Variants in EME2 observed in about 807,000 individuals in gnomAD.
EME2 encodes the protein essential meiotic structure-specific endonuclease subunit 2.
EME2 carries 58 observed loss-of-function variants against 41.9 expected under a neutral mutation model. That is an observed-to-expected ratio of 1.38 (90% CI 1.12 to 1.72). The LOEUF (loss-of-function observed/expected upper bound fraction) is 1.72, where lower values mean the gene tolerates loss of function less well. EME2 is among the 40% of genes most tolerant of loss of function. The pLI is 0.00. For missense variants in EME2, 695 were observed against 541.9 expected, an observed-to-expected ratio of 1.28 and a Z score of -2.81; for synonymous variants, 334 against 239.3, an observed-to-expected ratio of 1.40 and a Z score of -3.65.
chr16:1,773,502 G>T, intron 1 of EME2, 28 bp downstream of exon 1: 1 of 1,572,768 alleles, frequency 6.4e-7, no homozygotes, highest in Non-Finnish European at 8.6e-7. Context: ...GGCGATACTC[G>T]GGGTAGGAAA....
chr16:1,775,791 C>A lies in EME2; in HGVS notation c.780-6C>A, dbSNP rs770532915. On this transcript the variant is annotated splice_polypyrimidine_tract_variant and splice_region_variant and intron_variant, in intron 6 of 7. Transcript: ENST00000568449. ...GAGGTTCTAAAAGGCTTCTCTCTGT[C>A]CCCAGGCAGTACCGGGAATCCCAGG... is the stretch of plus-strand genomic sequence containing the variant. 1.2e-6 allele frequency: 2 copies of A among 1,612,316 alleles called. No homozygotes were observed. The highest frequency in any genetic ancestry group is 1.7e-5 in the Admixed American group (1 of 60,006).
chr16:1,777,666 A>G lies in EME2; in HGVS notation c.*1428A>G. On this transcript the variant is annotated 3_prime_UTR_variant, in exon 8 of 8. Coordinates refer to ENST00000568449, the MANE Select transcript of EME2 (RefSeq NM_001257370.2). Reference sequence around the variant, plus strand: ...GGGAGGAACCCTTTCAGAAAACCTCAGTGTCCCCTGGGCTGGGGCGGGGTG... The same window carrying G: ...GGGAGGAACCCTTTCAGAAAACCTCGGTGTCCCCTGGGCTGGGGCGGGGTG... 1.9e-6 allele frequency: 3 copies of G among 1,573,268 alleles called. No homozygotes were observed. The South Asian group carries it at 3.4e-5, about 18-fold the overall frequency.
Position 1,781,374 on chromosome 16 carries a change from T to C in EME2, c.*5136T>C, listed in dbSNP as rs1896703454. ...GGAACCTACCTGCCCATCAGAGTCGTAGCCCCAGTTAGTGGAGCCTGCTAG... is the reference window on the plus strand; with the variant it reads ...GGAACCTACCTGCCCATCAGAGTCGCAGCCCCAGTTAGTGGAGCCTGCTAG... On this transcript the variant is annotated 3_prime_UTR_variant, in exon 8 of 8. Transcript: ENST00000568449. 6.2e-7 allele frequency: 1 copy of C among 1,612,860 alleles called. No individual in the cohort carries two copies. Among genetic ancestry groups the C allele is most frequent in the Non-Finnish European group, 8.5e-7 (1 of 1,179,996 alleles).
chr16:1,775,021 C>G lies in EME2; in HGVS notation c.478-20C>G. On this transcript the variant is annotated intron_variant, in intron 3 of 7. Transcript: ENST00000568449. ...CCGCAGCCTCCTGTGAACAACTGTG[C>G]CACACGTTCTCATCTTCAGATCTCT... 6.3e-7 allele frequency: 1 copy of G among 1,595,332 alleles called. No individual in the cohort carries two copies. Among genetic ancestry groups the G allele is most frequent in the Non-Finnish European group, 8.5e-7 (1 of 1,170,098 alleles).
chr16:1,772,987 A>G lies in EME2; in HGVS notation c.-241A>G, dbSNP rs2141979855. On this transcript the variant is annotated 5_prime_UTR_variant, in exon 1 of 8. Transcript: ENST00000568449. ...CGGACCGGCAGCCGGCGTCCAGAGA[A>G]CGGCCGCGTCAAGGTCTCGTAGTCC... 3.4e-6 allele frequency: 5 copies of G among 1,451,540 alleles called. No individual in the cohort carries two copies. The allele number at this position is 1,451,540 out of a possible 1,614,324, so 89.9% of individuals were successfully genotyped here.
rs932423574 is a variant in EME2 at position 1,780,578 on chromosome 16, C to T, written c.*4340C>T. 3.3e-5 allele frequency: 5 copies of T among 153,102 alleles called. No homozygotes were observed. Among genetic ancestry groups the T allele is most frequent in the South Asian group, 2.0e-4 (1 of 4,896 alleles). 9.5% of individuals were successfully genotyped at this position (153,102 alleles called of 1,614,324 possible). The stretch of plus-strand genomic sequence containing the variant: ...GAGCAAGTGCAGAAATTTTTACCTT[C>T]AAGGATCAGGGTTTTTCTGTTTGTT... On this transcript the variant is annotated 3_prime_UTR_variant, in exon 8 of 8. Coordinates refer to ENST00000568449, the MANE Select transcript of EME2 (RefSeq NM_001257370.2).
In EME2 at chr16:1,772,813, C is replaced by G; in HGVS notation, c.-415C>G. 6.9e-7 allele frequency: 1 copy of G among 1,446,124 alleles called. No individual in the cohort carries two copies. The highest frequency in any genetic ancestry group is 1.4e-5 in the African/African-American group (1 of 70,222). 89.6% of individuals were successfully genotyped at this position (1,446,124 alleles called of 1,614,324 possible). A position where few individuals can be genotyped will look rare whatever the true frequency, so the allele number is the denominator to read the frequency against. On this transcript the variant is annotated 5_prime_UTR_variant, in exon 1 of 8. Transcript: ENST00000568449. Reference sequence around the variant, plus strand: ...GGTGCACGCACCTGCGCCGTGTAGTCGGGCCGCACCCGCGTGAGGCGCCAG... The same window carrying G: ...GGTGCACGCACCTGCGCCGTGTAGTGGGGCCGCACCCGCGTGAGGCGCCAG...
chr16:1,773,493 G>A lies in EME2; in HGVS notation c.247+19G>A. The A allele has an allele frequency of 6.3e-7, 1 of 1,577,740 alleles. No homozygotes were observed. The highest frequency in any genetic ancestry group is 1.1e-5 in the South Asian group (1 of 88,338). ...GACACAGGTGCGGCGGAGGGCACGG[G>A]CGATACTCGGGGTAGGAAAGGCCTT... On this transcript the variant is annotated intron_variant, in intron 1 of 7. Coordinates refer to ENST00000568449, the MANE Select transcript of EME2 (RefSeq NM_001257370.2).
In EME2 at chr16:1,781,243, C is replaced by T. The variant is rs1896696580; in HGVS notation, c.*5005C>T. On this transcript the variant is annotated 3_prime_UTR_variant, in exon 8 of 8. Transcript: ENST00000568449. The stretch of plus-strand genomic sequence containing the variant: ...GCCCAGGTTTGGACTGGTCCTCTAG[C>T]CTCAGAAGCATCTTTTTCTCCGACT... The T allele has an allele frequency of 2.5e-6, 4 of 1,599,480 alleles. No individual in the cohort carries two copies. The highest frequency in any genetic ancestry group is 2.7e-5 in the African/African-American group (2 of 74,802).
chr16:1,777,308 C>G lies in EME2; in HGVS notation c.*1070C>G. The G allele has an allele frequency of 6.2e-7, 1 of 1,609,938 alleles. No homozygotes were observed. The highest frequency in any genetic ancestry group is 8.5e-7 in the Non-Finnish European group (1 of 1,179,716). On this transcript the variant is annotated 3_prime_UTR_variant, in exon 8 of 8. Transcript: ENST00000568449. ...GTCTCCCGAGTCTGGCCGCAGCTGG[C>G]GCAGGCGGTGGCAGCACAGGTACTG...
rs2042718432 is a variant in EME2 at position 1,776,733 on chromosome 16, A to G, written c.*495A>G. 2.9e-6 allele frequency: 1 copy of G among 344,360 alleles called. No homozygotes were observed. Among genetic ancestry groups the G allele is most frequent in the Non-Finnish European group, 5.3e-6 (1 of 186,916 alleles). 21.3% of individuals were successfully genotyped at this position (344,360 alleles called of 1,614,324 possible). On this transcript the variant is annotated 3_prime_UTR_variant, in exon 8 of 8. Coordinates refer to ENST00000568449, the MANE Select transcript of EME2 (RefSeq NM_001257370.2). ...CATGTGGGTGTTAGACATCAACTCT[A>G]CATTTATTGCAGTCCTTTAAGTCTA...
Position 1,776,762 on chromosome 16 carries a change from C to T in EME2, c.*524C>T, listed in dbSNP as rs1226496400. ...TTATTGCAGTCCTTTAAGTCTATGA[C>T]GGCGGGGCAGCCGCTGACAGCATGC... On this transcript the variant is annotated 3_prime_UTR_variant, in exon 8 of 8. Coordinates refer to ENST00000568449, the MANE Select transcript of EME2 (RefSeq NM_001257370.2). 10 of 424,970 alleles carry T rather than the reference C, an allele frequency of 2.4e-5. No homozygotes were observed. The highest frequency in any genetic ancestry group is 1.2e-4 in the Admixed American group (3 of 24,466). 26.3% of individuals were successfully genotyped at this position (424,970 alleles called of 1,614,324 possible). A position where few individuals can be genotyped will look rare whatever the true frequency, so the allele number is the denominator to read the frequency against.
intron 2 of EME2, 91 bp from the exon 3 acceptor site, chr16:1,774,169 C>A: frequency 8.5e-7 from 1 of 1,171,010 alleles, no homozygotes; most frequent in Non-Finnish European, 1.3e-6. Flanking sequence ...TGGCTGGGGC[C>A]ACGAACCGCT....
chr16:1,778,316 C>G lies in EME2; in HGVS notation c.*2078C>G. On this transcript the variant is annotated 3_prime_UTR_variant, in exon 8 of 8. Transcript: ENST00000568449. ...TTATTTAAGTCATCCCAGACCCAGT[C>G]GAAATCTGCAAGAGAGGCCCAGGCT... 1.2e-6 allele frequency: 2 copies of G among 1,612,242 alleles called. No homozygotes were observed. The highest frequency in any genetic ancestry group is 2.2e-5 in the South Asian group (2 of 91,040).
In EME2 at chr16:1,775,389, G is replaced by C. The variant is rs368564414; in HGVS notation, c.644G>C (p.Ser215Thr). 1.8e-5 allele frequency: 29 copies of C among 1,612,428 alleles called. No homozygotes were observed. In the African/African-American group the frequency reaches 3.6e-4, roughly 20 times the overall value. Reference protein sequence around the residue: ...PKVAGAEVAVSWPEVEEALVL... With the variant: ...PKVAGAEVAVTWPEVEEALVL... ...GTGGCCGGTGCCGAGGTGGCCGTCA[G>C]CTGGCCGGAGGTGGAAGAGGTGAGG... Residue 215 changes from serine to threonine, a missense_variant, in exon 5 of 8, where the codon AGC becomes ACC. By Grantham distance (58) the Ser-to-Thr change is moderately conservative (BLOSUM62 1). Transcript: ENST00000568449.
chr16:1,777,364 G>C lies in EME2; in HGVS notation c.*1126G>C. 6.2e-7 allele frequency: 1 copy of C among 1,605,586 alleles called. No individual in the cohort carries two copies. Among genetic ancestry groups the C allele is most frequent in the South Asian group, 1.1e-5 (1 of 90,906 alleles). The stretch of plus-strand genomic sequence containing the variant: ...AAGTGGCGCTGGCACAGGAGCGGGT[G>C]ACCTTCATGCTGCTCCGGGCCGCCG... On this transcript the variant is annotated 3_prime_UTR_variant, in exon 8 of 8. Transcript: ENST00000568449.
Position 1,773,335 on chromosome 16 carries a change from C to A in EME2, c.108C>A (p.Ser36=). 6.6e-7 allele frequency: 1 copy of A among 1,516,070 alleles called. No homozygotes were observed. The highest frequency in any genetic ancestry group is 8.8e-7 in the Non-Finnish European group (1 of 1,141,668). The allele number at this position is 1,516,070 out of a possible 1,614,324, so 93.9% of individuals were successfully genotyped here. Residue 36 remains serine, a synonymous_variant, in exon 1 of 8, where the codon TCC becomes TCA. Coordinates refer to ENST00000568449, the MANE Select transcript of EME2 (RefSeq NM_001257370.2). ...RRPPTWEISD[S]DAEDSAGSEA... ...CTCCAACCTGGGAGATCTCAGACTCCGACGCTGAGGACTCCGCCGGCTCGG... is the reference window on the plus strand; with the variant it reads ...CTCCAACCTGGGAGATCTCAGACTCAGACGCTGAGGACTCCGCCGGCTCGG...
In EME2 at chr16:1,778,384, C is replaced by T; in HGVS notation, c.*2146C>T. ...TCCATGGGGCTCTGCCCTGCCCACC[C>T]CCAGGCCCGCCCGCAGTGCAGTCCC... On this transcript the variant is annotated 3_prime_UTR_variant, in exon 8 of 8. Coordinates refer to ENST00000568449, the MANE Select transcript of EME2 (RefSeq NM_001257370.2). 7.5e-6 allele frequency: 12 copies of T among 1,606,688 alleles called. No individual in the cohort carries two copies. The highest frequency in any genetic ancestry group is 1.0e-5 in the Non-Finnish European group (12 of 1,177,302).
In EME2 at chr16:1,776,276, GGACA is replaced by G. The variant is rs759580074; in HGVS notation, c.*42_*45del. 22 of 1,603,210 alleles carry G rather than the reference GGACA, an allele frequency of 1.4e-5. No individual in the cohort carries two copies. In the African/African-American group the frequency reaches 2.0e-4, roughly 15 times the overall value. On this transcript the variant is annotated 3_prime_UTR_variant, in exon 8 of 8. Coordinates refer to ENST00000568449, the MANE Select transcript of EME2 (RefSeq NM_001257370.2). ...CCACCAGGACAGCATGCAGCCTTGG[GGACA>G]GACCAGACACCCTGGGCGGTGGGGG...
Sources: gnomAD v4.1 joint callset for allele counts on GRCh38, gnomAD v4.1.1 for gene constraint, MANE v1.5 for transcripts, NCBI Gene and HGNC (gene_info 2026-07-23, HGNC 2026-07-21) for gene names.